ELMO1: variants seen among roughly 807,000 people sequenced by gnomAD.
ELMO1 encodes engulfment and cell motility 1.
Under a neutral mutation model 98.9 loss-of-function variants are expected in ELMO1, and 26 were observed. The observed-to-expected ratio is 0.26, with a 90% CI of 0.19 to 0.36. ELMO1 has a LOEUF of 0.36. Ranked by LOEUF, ELMO1 falls within the 10% of genes least tolerant of loss-of-function variation. ELMO1 has a pLI of 1.00. For missense variants in ELMO1, 627 were observed against 935.2 expected (o/e 0.67, Z 4.30); for synonymous variants, 346 against 346.0 (o/e 1.00, Z 0.00).
chr7:37,392,694 C>T (rs892680394), intron 1 of ELMO1, among the ~76,000 whole-genome samples: 1 of 152,220 alleles, frequency 6.6e-6, no homozygotes, highest in Non-Finnish European at 1.5e-5. Context: ...GCTAGCTCTT[C>T]TCACTGTGAT....
intron 1 of ELMO1, among the ~76,000 whole-genome samples, chr7:37,410,742 G>A (rs10807890): frequency 0.23 from 34,749 of 152,122 alleles, 4,183 homozygotes; most frequent in East Asian, 0.41. Context: ...ACCCCTAAAG[G>A]AAGGCAACCT....
At chr7:37,262,689 A>G (rs931855285) in intron 5 of ELMO1, among the ~76,000 whole-genome samples, 1 of 152,182 alleles carries the variant, frequency 6.6e-6, no homozygotes, top group African/African-American at 2.4e-5. Flanking sequence ...CAACTGGAGG[A>G]GACACATCAC....
chr7:37,192,161 T>A (rs1446755557), intron 13 of ELMO1, among the ~76,000 whole-genome samples: 1 of 152,132 alleles, frequency 6.6e-6, no homozygotes, highest in Non-Finnish European at 1.5e-5. Context: ...ACCATAGGGA[T>A]GTGTCACATT....
chr7:37,163,429 G>T (rs1789376449), intron 13 of ELMO1, among the ~76,000 whole-genome samples: 1 of 151,906 alleles, frequency 6.6e-6, no homozygotes, highest in South Asian at 2.1e-4. Flanking sequence ...TGCCATGCTG[G>T]TGTGCTGCAC....
intron 13 of ELMO1, among the ~76,000 whole-genome samples, chr7:37,198,147 A>G (rs1455101874): frequency 6.6e-6 from 1 of 152,190 alleles, no homozygotes; most frequent in Non-Finnish European, 1.5e-5. Flanking sequence ...CCTTCACTAA[A>G]GAGGCTCTTT....
chr7:37,140,380 C>T lies in ELMO1; in HGVS notation c.1087-7146G>A, dbSNP rs528756044. Among the ~76,000 whole-genome samples the T allele has an allele frequency of 3.4e-4, 51 of 150,592 alleles. 2 individuals carry two copies. In the South Asian group the frequency reaches 6.1e-3, roughly 18 times the overall value. ...CAGCCTGGGCGACAGAGTGAGACTCCGTCTCAAAAAAAAAAAAGACTTACA... is the reference window on the plus strand; with the variant it reads ...CAGCCTGGGCGACAGAGTGAGACTCTGTCTCAAAAAAAAAAAAGACTTACA... On this transcript the variant is annotated intron_variant, in intron 13 of 21. Transcript: ENST00000310758.
intron 1 of ELMO1, among the ~76,000 whole-genome samples, chr7:37,359,360 T>G (rs746202896): frequency 1.1e-4 from 16 of 152,364 alleles, no homozygotes; most frequent in Middle Eastern, 6.8e-3. Flanking sequence ...GCCTTGTGGC[T>G]TTGGGAAAAT....
chr7:37,228,111 T>C (rs1303106458), intron 8 of ELMO1, among the ~76,000 whole-genome samples: 1 of 152,244 alleles, frequency 6.6e-6, no homozygotes, highest in Non-Finnish European at 1.5e-5. Context: ...GTTTTATTTG[T>C]CACTGGTTTT....
chr7:37,223,728 AG>A (rs1322404371), intron 9 of ELMO1, among the ~76,000 whole-genome samples: 1 of 152,226 alleles, frequency 6.6e-6, no homozygotes. Context: ...ATCATTTTGA[AG>A]AATTATGATT....
chr7:37,067,019 T>C (rs916124619), intron 15 of ELMO1, among the ~76,000 whole-genome samples: 16 of 152,194 alleles, frequency 1.1e-4, no homozygotes, highest in African/African-American at 3.9e-4. Flanking sequence ...AAATTCTCTA[T>C]CTGGGAAACT....
At chr7:36,866,182 A>C (rs1270055691) in intron 20 of ELMO1, among the ~76,000 whole-genome samples, 1 of 152,226 alleles carries the variant, frequency 6.6e-6, no homozygotes, top group Non-Finnish European at 1.5e-5. Context: ...ACACAGCCAC[A>C]AATCAGCTTA....
chr7:36,937,736 A>G (rs1786671105), intron 16 of ELMO1, among the ~76,000 whole-genome samples: 2 of 152,362 alleles, frequency 1.3e-5, no homozygotes, highest in South Asian at 4.1e-4. Flanking sequence ...CCTCCCTAAA[A>G]GCACCACAAT....
intron 12 of ELMO1, 25 bp downstream of exon 12, chr7:37,213,310 T>C (rs1793084886): frequency 6.2e-7 from 1 of 1,608,678 alleles, no homozygotes; most frequent in East Asian, 2.2e-5. Flanking sequence ...TCCTGTGCTT[T>C]GACTGCTGTC....
chr7:36,950,866 G>A (rs889423175), intron 16 of ELMO1, among the ~76,000 whole-genome samples: 10 of 152,078 alleles, frequency 6.6e-5, no homozygotes, highest in African/African-American at 1.7e-4. Context: ...ACCATGTTAC[G>A]GAGTGTCTGA....
At chr7:36,865,012 C>T (rs903396026) in intron 20 of ELMO1, among the ~76,000 whole-genome samples, 10 of 152,158 alleles carry the variant, frequency 6.6e-5, no homozygotes, top group Non-Finnish European at 8.8e-5. Flanking sequence ...AGACAAGGCA[C>T]GCTGTGTCAG....
rs1455522637 is a variant in ELMO1 at position 37,110,078 on chromosome 7, G to C, written c.1192-13351C>G. Among the ~76,000 whole-genome samples, 3 of 152,348 alleles carry C rather than the reference G, an allele frequency of 2.0e-5. No individual in the cohort carries two copies. In the East Asian group the frequency reaches 5.8e-4, roughly 29 times the overall value. On this transcript the variant is annotated intron_variant, in intron 14 of 21. Coordinates refer to ENST00000310758, the MANE Select transcript of ELMO1 (RefSeq NM_014800.11). ...TGAGGTATGTAGTGGGTACTGCAGA[G>C]AGGCTGGCTGCTCTTGGTTCCCAAG...
Position 37,105,262 on chromosome 7 carries a change from T to C in ELMO1, c.1192-8535A>G, listed in dbSNP as rs116235706. ...ATAACAGCAGGATGACTTCTGTTTG[T>C]GCCTACACAGTAATCACAACATTAC... On this transcript the variant is annotated intron_variant, in intron 14 of 21. Coordinates refer to ENST00000310758, the MANE Select transcript of ELMO1 (RefSeq NM_014800.11). 1.5e-3 allele frequency among the ~76,000 whole-genome samples: 234 copies of C among 152,302 alleles called. 1 individual carries two copies. The highest frequency in any genetic ancestry group is 5.5e-3 in the African/African-American group (229 of 41,556).
intron 15 of ELMO1, among the ~76,000 whole-genome samples, chr7:37,073,087 T>C (rs953098303): frequency 1.3e-5 from 2 of 152,208 alleles, no homozygotes; most frequent in African/African-American, 4.8e-5. Context: ...TTCTTCTAAG[T>C]AAAACATTAA....
intron 7 of ELMO1, among the ~76,000 whole-genome samples, chr7:37,243,009 G>A (rs181229415): frequency 1.3e-5 from 2 of 152,186 alleles, no homozygotes; most frequent in East Asian, 3.9e-4. Context: ...CATATAGTTG[G>A]TTTAAGATGT....
Sources: gnomAD v4.1 joint callset for allele counts (sites outside exome capture counted in the v4.1 genomes callset) on GRCh38, gnomAD v4.1.1 for gene constraint, MANE v1.5 for transcripts, NCBI Gene and HGNC (gene_info 2026-07-23, HGNC 2026-07-21) for gene names.